PRKN: variants seen among roughly 807,000 people sequenced by gnomAD.
PRKN encodes parkin RBR E3 ubiquitin protein ligase, also known as E3 ubiquitin-protein ligase parkin.
In PRKN, 56 loss-of-function variants were observed where a neutral mutation model predicts 59.5. The ratio of observed to expected loss-of-function variants is 0.94; its 90% CI spans 0.76 to 1.18. The LOEUF is 1.18. PRKN is among the 50% of genes most tolerant of loss of function. PRKN has a pLI of 0.00. For missense variants in PRKN, 657 were observed against 596.4 expected (o/e 1.10, Z -1.06); for synonymous variants, 250 against 222.1 (o/e 1.13, Z -1.12).
chr6:161,491,142 T>C (rs1446267614), intron 9 of PRKN, among the ~76,000 whole-genome samples: 1 of 152,238 alleles, frequency 6.6e-6, no homozygotes, highest in Non-Finnish European at 1.5e-5. Flanking sequence ...TGTTCAGATT[T>C]CTTTAGAGTC....
chr6:162,384,497 G>A lies in PRKN; in HGVS notation c.171+58813C>T, dbSNP rs75618913. ...CAAAACAATAAGATCAAAGATCACC[G>A]CTCACAGATCACCAAAGCAGATAAA... is the stretch of plus-strand genomic sequence containing the variant. On this transcript the variant is annotated intron_variant, in intron 2 of 11. Transcript: ENST00000366898. Among the ~76,000 whole-genome samples the A allele has an allele frequency of 2.7e-3, 412 of 152,018 alleles. 2 individuals are homozygous for A. The highest frequency in any genetic ancestry group is 9.5e-3 in the African/African-American group (392 of 41,452).
chr6:162,107,388 G>T (rs570829479), intron 4 of PRKN, among the ~76,000 whole-genome samples: 1 of 152,146 alleles, frequency 6.6e-6, no homozygotes, highest in African/African-American at 2.4e-5. Context: ...TCGCATGAAC[G>T]CAGGAGGTGG....
rs1790201000 is a variant in PRKN at position 161,461,228 on chromosome 6, G to A, written c.1084-74351C>T. The stretch of plus-strand genomic sequence containing the variant: ...CAGCGGCCTGTGCAAAGGTCTGGAG[G>A]TCTGAAAAGTACTCAGTGAGTTCCG... On this transcript the variant is annotated intron_variant, in intron 9 of 11. Transcript: ENST00000366898. The surrounding 1 kb of genome is among the most constrained non-coding windows in gnomAD (Gnocchi z 5.1). Among the ~76,000 whole-genome samples, 1 of 152,168 alleles carries A rather than the reference G, an allele frequency of 6.6e-6. No homozygotes were observed.
At position 161,554,401 on chromosome 6, in the gene PRKN, T is replaced by TGTAC. The variant is rs1554275645; in HGVS notation, c.934-5399_934-5398insGTAC. 5.1e-5 allele frequency among the ~76,000 whole-genome samples: 2 copies of TGTAC among 39,304 alleles called. No homozygotes were observed. Among genetic ancestry groups the TGTAC allele is most frequent in the Non-Finnish European group, 8.9e-5 (2 of 22,450 alleles). 25.8% of individuals were successfully genotyped at this position (39,304 alleles called of 152,430 possible). A position where few individuals can be genotyped will look rare whatever the true frequency, so the allele number is the denominator to read the frequency against. ...CTTAACCTTCATGTTATCTTACTTC[T>TGTAC]ATACACACACACACACACACACACA... is the stretch of plus-strand genomic sequence containing the variant. On this transcript the variant is annotated intron_variant, in intron 8 of 11. Transcript: ENST00000366898. The surrounding 1 kb of genome is among the most constrained non-coding windows in gnomAD (Gnocchi z 4.5).
At chr6:161,880,709 T>A (rs1330389086) in intron 6 of PRKN, among the ~76,000 whole-genome samples, 1 of 152,142 alleles carries the variant, frequency 6.6e-6, no homozygotes, top group Non-Finnish European at 1.5e-5. Context: ...CAGTGCATCA[T>A]GAGAAGAACG....
intron 1 of PRKN, among the ~76,000 whole-genome samples, chr6:162,462,825 G>A (rs1179966228): frequency 6.6e-6 from 1 of 152,152 alleles, no homozygotes; most frequent in Non-Finnish European, 1.5e-5. Context: ...TAGGTGCAGT[G>A]GCTCACGTCT....
chr6:162,102,541 G>A lies in PRKN; in HGVS notation c.535-48367C>T, dbSNP rs1780014950. On this transcript the variant is annotated intron_variant, in intron 4 of 11. Coordinates refer to ENST00000366898, the MANE Select transcript of PRKN (RefSeq NM_004562.3). ...AAACTGATACATAAATATTTTCTTCGACTGCTCATGCTGCATTCTGGAGAC... is the reference window on the plus strand; with the variant it reads ...AAACTGATACATAAATATTTTCTTCAACTGCTCATGCTGCATTCTGGAGAC... 2.6e-5 allele frequency among the ~76,000 whole-genome samples: 4 copies of A among 152,196 alleles called. No homozygotes were observed. In the South Asian group the frequency reaches 8.3e-4, roughly 32 times the overall value.
chr6:161,750,118 T>TATATATATATATATATAC (rs1269147499), intron 7 of PRKN, among the ~76,000 whole-genome samples: 300 of 137,698 alleles, frequency 2.2e-3, no homozygotes, highest in African/African-American at 7.6e-3. Flanking sequence ...TATATATATA[T>TATATATATATATATATAC]ACACACACAC....
At chr6:162,133,732 A>T (rs1204266391) in intron 4 of PRKN, among the ~76,000 whole-genome samples, 1 of 152,180 alleles carries the variant, frequency 6.6e-6, no homozygotes, top group African/African-American at 2.4e-5. Context: ...TCGTCAGGGC[A>T]GCCAAAGAGA....
At chr6:161,672,626 A>C (rs1784950773) in intron 7 of PRKN, among the ~76,000 whole-genome samples, 1 of 152,094 alleles carries the variant, frequency 6.6e-6, no homozygotes, top group African/African-American at 2.4e-5. Flanking sequence ...AAATACAAAA[A>C]TTAGCTGGGT....
intron 9 of PRKN, among the ~76,000 whole-genome samples, chr6:161,478,439 T>C (rs1791229586): frequency 6.6e-6 from 1 of 152,226 alleles, no homozygotes; most frequent in Non-Finnish European, 1.5e-5. Context: ...ATAATTACTG[T>C]TTACCATCAG....
At chr6:162,070,529 G>A (rs1190052606) in intron 4 of PRKN, among the ~76,000 whole-genome samples, 1 of 152,090 alleles carries the variant, frequency 6.6e-6, no homozygotes, top group African/African-American at 2.4e-5. Context: ...GAGGTCAGTG[G>A]GCTGGTGTTC....
chr6:161,776,832 C>T (rs575912331), intron 7 of PRKN, among the ~76,000 whole-genome samples: 1 of 152,248 alleles, frequency 6.6e-6, no homozygotes, highest in East Asian at 1.9e-4. Flanking sequence ...ACTCTGTGAT[C>T]CTGGTTGCTT....
intron 6 of PRKN, among the ~76,000 whole-genome samples, chr6:161,947,498 T>G (rs980245934): frequency 2.0e-5 from 3 of 152,186 alleles, no homozygotes; most frequent in Non-Finnish European, 4.4e-5. Context: ...TGTTCCTACT[T>G]TCATGTATCT....
intron 6 of PRKN, among the ~76,000 whole-genome samples, chr6:161,958,424 T>G (rs1780262888): frequency 6.6e-6 from 1 of 152,196 alleles, no homozygotes; most frequent in African/African-American, 2.4e-5. Context: ...GTTGCTATTT[T>G]TAAGGGAATC....
chr6:162,341,844 G>A (rs1276939484), intron 2 of PRKN, among the ~76,000 whole-genome samples: 1 of 151,376 alleles, frequency 6.6e-6, no homozygotes, highest in Non-Finnish European at 1.5e-5. Context: ...ACCATGGCAT[G>A]TGTATACCTA....
At chr6:161,896,067 G>C (rs186992974) in intron 6 of PRKN, among the ~76,000 whole-genome samples, 1 of 152,184 alleles carries the variant, frequency 6.6e-6, no homozygotes, top group African/African-American at 2.4e-5. Flanking sequence ...TAAAGTGCGG[G>C]TGAAGCAGGG....
intron 7 of PRKN, among the ~76,000 whole-genome samples, chr6:161,777,639 G>C (rs9458368): frequency 7.0e-6 from 1 of 143,196 alleles, no homozygotes; most frequent in African/African-American, 2.6e-5. Context: ...TAACTCTACG[G>C]ATATTCTCAT....
chr6:161,635,796 A>T (rs1237494592), intron 7 of PRKN, among the ~76,000 whole-genome samples: 2 of 152,202 alleles, frequency 1.3e-5, no homozygotes. Flanking sequence ...TTAATGATCA[A>T]GGAAATCTCA....
Sources: gnomAD v4.1 joint callset for allele counts (sites outside exome capture counted in the v4.1 genomes callset) on GRCh38, gnomAD v4.1.1 for gene constraint, Gnocchi (gnomAD v3.1) non-coding constraint, MANE v1.5 for transcripts, NCBI Gene and HGNC (gene_info 2026-07-23, HGNC 2026-07-21) for gene names.